JMJD7: variants seen among roughly 807,000 people sequenced by gnomAD.
The protein encoded by JMJD7 is jumonji domain containing 7, also known as bifunctional peptidase and (3S)-lysyl hydroxylase JMJD7.
JMJD7 carries 41 observed loss-of-function variants against 41.1 expected under a neutral mutation model. That is an observed-to-expected ratio of 1.00 (90% CI 0.78 to 1.30). The LOEUF (loss-of-function observed/expected upper bound fraction) is 1.30. Among genes scored for constraint, JMJD7 ranks in the 50% most tolerant of loss-of-function variants. The probability of loss-of-function intolerance (pLI) is 0.00; values close to 1 mark genes in which losing one functional copy is unlikely to be tolerated. For missense variants in JMJD7, 480 were observed against 420.7 expected (o/e 1.14, Z -1.23); for synonymous variants, 202 against 177.2 (o/e 1.14, Z -1.11).
Position 41,835,435 on chromosome 15 carries a change from C to A in JMJD7, c.473-153C>A, listed in dbSNP as rs141294849. ...TCCTTCTGCCCCAGGGAGGGAGGAC[C>A]CCTTCCCCAAGATTTCCCAACCTCT... On this transcript the variant is annotated intron_variant, in intron 3 of 7. Coordinates refer to ENST00000397299, the MANE Select transcript of JMJD7 (RefSeq NM_001114632.2). 4.2e-3 allele frequency among the ~76,000 whole-genome samples: 634 copies of A among 152,314 alleles called. 4 individuals carry two copies. Among genetic ancestry groups the A allele is most frequent in the African/African-American group, 0.015 (603 of 41,566 alleles).
intron 1 of JMJD7, 166 bp downstream of exon 1, chr15:41,828,354 C>T (rs1377013391): frequency 2.5e-6 from 2 of 815,390 alleles, no homozygotes; most frequent in East Asian, 6.8e-5. Context: ...TCGCGCGCTC[C>T]CGCGGCTTCC....
chr15:41,835,494 T>A (rs1383215527), intron 3 of JMJD7, 94 bp from the exon 4 acceptor site: 39 of 1,530,664 alleles, frequency 2.5e-5, no homozygotes, highest in Non-Finnish European at 3.2e-5. Flanking sequence ...TTGGGATTCT[T>A]CTGTGCTCAC....
At chr15:41,832,001 A>C (rs750381697) in intron 1 of JMJD7, among the ~76,000 whole-genome samples, 13 of 152,146 alleles carry the variant, frequency 8.5e-5, no homozygotes, top group Admixed American at 3.9e-4. Flanking sequence ...CACCCTCTTT[A>C]GGGCTCTGCG....
chr15:41,835,682 G>C lies in JMJD7; in HGVS notation c.529+38G>C, dbSNP rs541349230. 27 of 1,600,528 alleles carry C rather than the reference G, an allele frequency of 1.7e-5. No individual in the cohort carries two copies. In the South Asian group the frequency reaches 2.7e-4, roughly 16 times the overall value. On this transcript the variant is annotated intron_variant, in intron 4 of 7. Coordinates refer to ENST00000397299, the MANE Select transcript of JMJD7 (RefSeq NM_001114632.2). The stretch of plus-strand genomic sequence containing the variant: ...GGAATACAAAGGTGGGGAAGGAGCA[G>C]GTTGGGGCAGAGGGAGGGAAGACGA...
intron 1 of JMJD7, among the ~76,000 whole-genome samples, chr15:41,831,136 C>T (rs529434156): frequency 1.8e-3 from 267 of 152,346 alleles, no homozygotes; most frequent in Non-Finnish European, 2.9e-3. Flanking sequence ...ACCTCCTCCC[C>T]TGTGAGACCC....
intron 1 of JMJD7, 106 bp downstream of exon 1, chr15:41,828,294 G>GC: frequency 5.3e-6 from 7 of 1,330,690 alleles, no homozygotes; most frequent in Non-Finnish European, 6.9e-6. Flanking sequence ...CTGCCCTGAG[G>GC]CCCCGCTCGG....
chr15:41,831,916 G>C (rs977855353), intron 1 of JMJD7, among the ~76,000 whole-genome samples: 1 of 152,178 alleles, frequency 6.6e-6, no homozygotes, highest in Non-Finnish European at 1.5e-5. Context: ...CCACATTGTG[G>C]GTGTCCAGAA....
At chr15:41,832,015 C>T (rs1356080062) in intron 1 of JMJD7, among the ~76,000 whole-genome samples, 1 of 152,188 alleles carries the variant, frequency 6.6e-6, no homozygotes, top group Non-Finnish European at 1.5e-5. Context: ...CTCTGCGGTT[C>T]CTGGTATCTG....
chr15:41,828,467 C>T (rs2065174903), intron 1 of JMJD7: 1 of 353,748 alleles, frequency 2.8e-6, no homozygotes, highest in African/African-American at 2.1e-5. Context: ...TGCTGTTACC[C>T]TTGTTGAAAG....
chr15:41,837,360 G>A lies in JMJD7; in HGVS notation c.*204G>A, dbSNP rs2065340900. On this transcript the variant is annotated 3_prime_UTR_variant, in exon 8 of 8. Coordinates refer to ENST00000397299, the MANE Select transcript of JMJD7 (RefSeq NM_001114632.2). Reference sequence around the variant, plus strand: ...GGCAGGTCTGGGTGAGGGTTCTCAGGAAGTTGCCACACAGGTGAGCAGAGT... The same window carrying A: ...GGCAGGTCTGGGTGAGGGTTCTCAGAAAGTTGCCACACAGGTGAGCAGAGT... The A allele has an allele frequency of 3.4e-6, 2 of 586,800 alleles. No individual in the cohort carries two copies. Among genetic ancestry groups the A allele is most frequent in the Non-Finnish European group, 3.0e-6 (1 of 329,368 alleles). 36.3% of individuals were successfully genotyped at this position (586,800 alleles called of 1,614,324 possible).
chr15:41,836,511 A>C lies in JMJD7; in HGVS notation c.662A>C (p.Glu221Ala). 6.3e-7 allele frequency: 1 copy of C among 1,593,354 alleles called. No individual in the cohort carries two copies. Among genetic ancestry groups the C allele is most frequent in the Non-Finnish European group, 8.5e-7 (1 of 1,169,612 alleles). ...YTPATYQLTE[E>A]GTFKVVDEEA... ...CCGGCAACCTACCAGCTAACTGAAG[A>C]GGGCACCTTTAAGGTGGTGGATGAA... Residue 221 changes from glutamate to alanine, a missense_variant, in exon 6 of 8, where the codon GAG becomes GCG. Transcript: ENST00000397299.
Position 41,835,608 on chromosome 15 carries a change from A to G in JMJD7, c.493A>G (p.Asn165Asp). The stretch of plus-strand genomic sequence containing the variant: ...TGCAGGAAAGATGCCCGATGCTGTG[A>G]ACTTCTGGCTGGGGGAGGCGGCTGC... Reference protein sequence around the residue: ...EALGKMPDAVNFWLGEAAAVT... With the variant: ...EALGKMPDAVDFWLGEAAAVT... The change falls in exon 4 of 8, where the codon AAC becomes GAC. Residue 165 changes from asparagine to aspartate, a missense_variant. Asn to Asp is a conservative substitution (Grantham distance 23). Transcript: ENST00000397299. 6.2e-7 allele frequency: 1 copy of G among 1,613,868 alleles called. No individual in the cohort carries two copies. The highest frequency in any genetic ancestry group is 8.5e-7 in the Non-Finnish European group (1 of 1,179,882).
At position 41,836,175 on chromosome 15, in the gene JMJD7, A is replaced by G. The variant is rs199935998; in HGVS notation, c.557A>G (p.Tyr186Cys). 176 of 1,611,280 alleles carry G rather than the reference A, an allele frequency of 1.1e-4. No individual in the cohort carries two copies. The highest frequency in any genetic ancestry group is 1.6e-4 in the Middle Eastern group (1 of 6,066). ...SLHKDHYENL[Y>C]CVVSGEKHFL... ...CACAAGGACCACTATGAGAACCTCT[A>G]CTGCGTGGTCTCAGGAGAGAAGCAT... The change falls in exon 5 of 8, where the codon TAC becomes TGC. Residue 186 changes from tyrosine to cysteine, a missense_variant. Tyr to Cys is a radical substitution (Grantham distance 194). Coordinates refer to ENST00000397299, the MANE Select transcript of JMJD7 (RefSeq NM_001114632.2).
In JMJD7 at chr15:41,836,199, A is replaced by T. The variant is rs370282813; in HGVS notation, c.581A>T (p.His194Leu). Reference protein sequence around the residue: ...NLYCVVSGEKHFLFHPPSDRP... With the variant: ...NLYCVVSGEKLFLFHPPSDRP... Reference sequence around the variant, plus strand: ...TACTGCGTGGTCTCAGGAGAGAAGCATTTCCTGTTCCATCCGCCCAGCGAC... The same window carrying T: ...TACTGCGTGGTCTCAGGAGAGAAGCTTTTCCTGTTCCATCCGCCCAGCGAC... Residue 194 changes from histidine (H) to leucine (L), a missense_variant, in exon 5 of 8, where the codon CAT becomes CTT. Coordinates refer to ENST00000397299, the MANE Select transcript of JMJD7 (RefSeq NM_001114632.2). The T allele has an allele frequency of 1.3e-5, 21 of 1,612,802 alleles. No individual in the cohort carries two copies. The highest frequency in any genetic ancestry group is 1.7e-5 in the Non-Finnish European group (20 of 1,179,436).
rs149185661 is a variant in JMJD7 at position 41,831,549 on chromosome 15, G to A, written c.65-3191G>A. Among the ~76,000 whole-genome samples the A allele has an allele frequency of 7.9e-3, 1,202 of 152,294 alleles. 15 individuals are homozygous for A. Among genetic ancestry groups the A allele is most frequent in the South Asian group, 0.03 (146 of 4,824 alleles). On this transcript the variant is annotated intron_variant, in intron 1 of 7. Transcript: ENST00000397299. Reference sequence around the variant, plus strand: ...TAGAGCATGAATGTAGCAAAGCGAAGCCCTGTACACTTTATAAAAACCAGC... The same window carrying A: ...TAGAGCATGAATGTAGCAAAGCGAAACCCTGTACACTTTATAAAAACCAGC...
intron 1 of JMJD7, among the ~76,000 whole-genome samples, chr15:41,831,787 C>G (rs1019506946): frequency 1.3e-5 from 2 of 152,108 alleles, no homozygotes; most frequent in Admixed American, 6.5e-5. Context: ...TCTTGTTTAC[C>G]CTCTGCTTGT....
At chr15:41,830,796 T>G (rs975805131) in intron 1 of JMJD7, among the ~76,000 whole-genome samples, 1 of 152,232 alleles carries the variant, frequency 6.6e-6, no homozygotes, top group African/African-American at 2.4e-5. Flanking sequence ...CTGGGTGCTA[T>G]TGCAGTGCTG....
chr15:41,828,102 T>C lies in JMJD7; in HGVS notation c.-23T>C, dbSNP rs769335344. 2.1e-6 allele frequency: 3 copies of C among 1,418,274 alleles called. No individual in the cohort carries two copies. The highest frequency in any genetic ancestry group is 1.5e-5 in the African/African-American group (1 of 66,254). The allele number at this position is 1,418,274 out of a possible 1,614,324, so 87.9% of individuals were successfully genotyped here. A position where few individuals can be genotyped will look rare whatever the true frequency, so the allele number is the denominator to read the frequency against. The stretch of plus-strand genomic sequence containing the variant: ...GGCGGGGCGTCGGGGAAAGGCGGGG[T>C]CTCGGCCGGCGCTGACGCAGCCATG... On this transcript the variant is annotated 5_prime_UTR_variant, in exon 1 of 8. Transcript: ENST00000397299.
chr15:41,836,031 C>T (rs1197702), intron 4 of JMJD7, 117 bp from the exon 5 acceptor site: 324,606 of 1,108,806 alleles, frequency 0.29, 49,759 homozygotes, highest in Middle Eastern at 0.42. Context: ...TGGCTCTGTG[C>T]GTGCTTCTCT....
Sources: allele counts gnomAD v4.1 joint callset (sites outside exome capture counted in the v4.1 genomes callset), GRCh38; gene constraint gnomAD v4.1.1; transcripts MANE v1.5; gene names NCBI Gene and HGNC (gene_info 2026-07-23, HGNC 2026-07-21).